MACF1: variants seen among roughly 807,000 people sequenced by gnomAD.
The protein encoded by MACF1 is microtubule actin crosslinking factor 1.
A neutral mutation model predicts 854.8 loss-of-function variants in MACF1; 193 were observed. The observed-to-expected ratio is 0.23, with a 90% CI of 0.20 to 0.25. MACF1 has a LOEUF of 0.25. Ranked by LOEUF, MACF1 falls within the 10% of genes least tolerant of loss-of-function variation. The pLI is 1.00. For missense variants in MACF1, 7,722 were observed against 8,929.1 expected (o/e 0.86, Z 5.45); for synonymous variants, 3,185 against 3,226.7 (o/e 0.99, Z 0.44).
intron 28 of MACF1, 35 bp downstream of exon 28, chr1:39,316,564 A>T: frequency 1.3e-6 from 2 of 1,590,282 alleles, no homozygotes; most frequent in Non-Finnish European, 1.7e-6. Context: ...AGGTTGACCT[A>T]ACATATTCAT....
chr1:39,365,597 A>G (rs866279608), intron 49 of MACF1, among the ~76,000 whole-genome samples: 2 of 151,780 alleles, frequency 1.3e-5, no homozygotes, highest in Non-Finnish European at 2.9e-5. Flanking sequence ...AAAAGTCCAT[A>G]TTTTCCCCAG....
chr1:39,423,971 C>A, intron 60 of MACF1, 57 bp from the exon 61 acceptor site: 1 of 1,418,268 alleles, frequency 7.1e-7, no homozygotes, highest in South Asian at 1.3e-5. Context: ...TTTCTTTCTT[C>A]CTAGTTCAGA....
chr1:39,444,882 A>G (rs372080474), intron 80 of MACF1, 47 bp downstream of exon 80: 4 of 1,472,036 alleles, frequency 2.7e-6, no homozygotes, highest in African/African-American at 2.8e-5. Context: ...GAGTGATTGC[A>G]TGTATAATAA....
rs776203479 is a variant in MACF1 at position 39,388,072 on chromosome 1, T to C, written c.15230T>C (p.Val5077Ala). 4 of 1,614,074 alleles carry C rather than the reference T, an allele frequency of 2.5e-6. No individual in the cohort carries two copies. Among genetic ancestry groups the C allele is most frequent in the South Asian group, 1.1e-5 (1 of 91,086 alleles). ...DYLRNFTQGL[V>A]EDAPDGSDAS... ...CTGAGGAACTTTACTCAGGGTCTGG[T>C]AGAAGATGCCCCAGATGGATCTGAT... The change falls in exon 58 of 101, where the codon GTA (valine) becomes GCA (alanine). Residue 5077 changes from valine (V) to alanine (A), a missense_variant. By Grantham distance (64) the Val-to-Ala change is moderately conservative. Transcript: ENST00000564288.
intron 2 of MACF1, among the ~76,000 whole-genome samples, chr1:39,132,574 C>T (rs1643029094): frequency 6.6e-6 from 1 of 152,162 alleles, no homozygotes; most frequent in Non-Finnish European, 1.5e-5. Flanking sequence ...GTATTGAAAA[C>T]GGAGTAGTCA....
At chr1:39,408,745 C>T (rs959346069) in intron 58 of MACF1, among the ~76,000 whole-genome samples, 28 of 152,102 alleles carry the variant, frequency 1.8e-4, no homozygotes, top group Non-Finnish European at 3.8e-4. Flanking sequence ...TCTCCTTGCG[C>T]CCTCTCCGGG....
At chr1:39,196,988 C>T (rs1003446339) in intron 2 of MACF1, among the ~76,000 whole-genome samples, 2 of 152,026 alleles carry the variant, frequency 1.3e-5, no homozygotes, top group South Asian at 2.1e-4. Flanking sequence ...GGGGCCCTGC[C>T]CGTTGGCTGT....
chr1:39,296,730 A>AG (rs1645908989), intron 20 of MACF1, among the ~76,000 whole-genome samples: 1 of 87,030 alleles, frequency 1.1e-5, no homozygotes, highest in Non-Finnish European at 2.2e-5. Flanking sequence ...TGTCTAAATA[A>AG]AAAGAAAGAA....
chr1:39,085,741 T>C (rs1457822377), intron 2 of MACF1, among the ~76,000 whole-genome samples: 2 of 152,162 alleles, frequency 1.3e-5, no homozygotes, highest in African/African-American at 4.8e-5. Flanking sequence ...TGGCCCCTCA[T>C]TGCCTGTGGA....
chr1:39,442,256 G>A lies in MACF1; in HGVS notation c.18884G>A (p.Arg6295Gln), dbSNP rs534801018. 45 of 1,609,956 alleles carry A rather than the reference G, an allele frequency of 2.8e-5. No individual in the cohort carries two copies. Among genetic ancestry groups the A allele is most frequent in the Middle Eastern group, 1.7e-4 (1 of 6,026 alleles). ...ATDETDRDIIREPLTELKHLW... is the reference protein window; with the variant it reads ...ATDETDRDIIQEPLTELKHLW... ...GATGAGACGGACAGAGACATTATAC[G>A]AGAACCACTGACAGAACTCAAACAC... The change falls in exon 76 of 101, where the codon CGA becomes CAA. Residue 6295 changes from arginine to glutamine, a missense_variant. Physicochemically the swap from Arg to Gln is conservative, Grantham distance 43. Transcript: ENST00000564288.
chr1:39,413,085 C>G (rs1400366933), intron 58 of MACF1: 2 of 1,603,802 alleles, frequency 1.2e-6, no homozygotes, highest in Non-Finnish European at 1.7e-6. Context: ...CAGCAGCCAT[C>G]ACACAGGAGG....
chr1:39,163,340 C>CAAA (rs11371076), intron 2 of MACF1, among the ~76,000 whole-genome samples: 90 of 80,026 alleles, frequency 1.1e-3, no homozygotes, highest in East Asian at 2.6e-3. Flanking sequence ...AAGACTGTCT[C>CAAA]AAAAAAAAAA....
In MACF1 at chr1:39,410,424, G is replaced by T. The variant is rs769923113; in HGVS notation, c.15817-11950G>T. ...ATGAGCAAATTGACCAGGGGTCAAAGCTTAACCAGACTTCAAAAAGCACCA... is the reference window on the plus strand; with the variant it reads ...ATGAGCAAATTGACCAGGGGTCAAATCTTAACCAGACTTCAAAAAGCACCA... On this transcript the variant is annotated intron_variant, in intron 58 of 100. Coordinates refer to ENST00000564288, the MANE Select transcript of MACF1 (RefSeq NM_001394062.1). The T allele has an allele frequency of 2.5e-5, 41 of 1,613,934 alleles. No homozygotes were observed. In the South Asian group the frequency reaches 4.3e-4, roughly 17 times the overall value.
chr1:39,220,789 T>G (rs2148290168), intron 1 of MACF1, among the ~76,000 whole-genome samples: 1 of 152,252 alleles, frequency 6.6e-6, no homozygotes, highest in Middle Eastern at 3.4e-3. Context: ...CTGGCTGGCC[T>G]TTAATGAAGT....
intron 2 of MACF1, among the ~76,000 whole-genome samples, chr1:39,118,525 G>T (rs1208816545): frequency 6.6e-6 from 1 of 152,226 alleles, no homozygotes; most frequent in East Asian, 1.9e-4. Context: ...CTGCCAAAGG[G>T]CTGGAAATTT....
chr1:39,301,829 A>C (rs900348810), intron 22 of MACF1, among the ~76,000 whole-genome samples: 2 of 152,124 alleles, frequency 1.3e-5, no homozygotes, highest in South Asian at 4.1e-4. Flanking sequence ...TGTGGCTTTA[A>C]GTTCTTGAGT....
chr1:39,282,978 C>T, intron 7 of MACF1: 1 of 499,332 alleles, frequency 2.0e-6, no homozygotes, highest in Non-Finnish European at 3.5e-6. Context: ...ATTCAACAAA[C>T]CTAAACTGTA....
intron 43 of MACF1, among the ~76,000 whole-genome samples, chr1:39,352,620 C>T (rs1173507120): frequency 2.0e-5 from 3 of 152,098 alleles, no homozygotes; most frequent in Admixed American, 1.3e-4. Flanking sequence ...CAGGTTCAAA[C>T]GATACTCGTG....
At chr1:39,251,962 CA>C in intron 4 of MACF1, 21 bp downstream of exon 4, 1 of 1,460,302 alleles carries the variant, frequency 6.8e-7, no homozygotes, top group Non-Finnish European at 9.1e-7. Context: ...CTGGGGATGC[CA>C]GCATCCCAGC....
Sources: gnomAD v4.1 joint callset for allele counts (sites outside exome capture counted in the v4.1 genomes callset) on GRCh38, gnomAD v4.1.1 for gene constraint, MANE v1.5 for transcripts, NCBI Gene and HGNC (gene_info 2026-07-23, HGNC 2026-07-21) for gene names.